Variants in MAF observed in about 807,000 individuals in gnomAD.
MAF encodes MAF bZIP transcription factor, also known as transcription factor Maf.
Under a neutral mutation model 22.0 loss-of-function variants are expected in MAF, and 10 were observed. The observed-to-expected ratio is 0.45, with a 90% CI of 0.28 to 0.77. The LOEUF (loss-of-function observed/expected upper bound fraction) is 0.77, where lower values mean the gene tolerates loss of function less well. MAF is among the 30% of genes least tolerant of loss of function. The probability of loss-of-function intolerance (pLI) is 0.12; values close to 1 mark genes in which losing one functional copy is unlikely to be tolerated. For missense variants in MAF, 544 were observed against 548.4 expected, an observed-to-expected ratio of 0.99 and a Z score of 0.08; for synonymous variants, 337 against 255.8, an observed-to-expected ratio of 1.32 and a Z score of -3.03.
the MAF span, among the ~76,000 whole-genome samples, chr16:79,389,158 A>T: frequency 6.6e-6 from 1 of 152,180 alleles, no homozygotes; most frequent in African/African-American, 2.4e-5. Flanking sequence ...TTTTATTTTC[A>T]AAGCAGCCAA....
the MAF span, among the ~76,000 whole-genome samples, chr16:79,393,942 G>C: frequency 3.9e-5 from 6 of 152,174 alleles, no homozygotes; most frequent in Non-Finnish European, 7.3e-5. Context: ...CCATGTGCCA[G>C]GTACAGTGCA....
At chr16:79,555,373 T>A in the MAF span, among the ~76,000 whole-genome samples, 1 of 152,214 alleles carries the variant, frequency 6.6e-6, no homozygotes, top group East Asian at 1.9e-4. Context: ...TGTCTTTTGA[T>A]ACCTGATCCC....
the MAF span, among the ~76,000 whole-genome samples, chr16:79,489,328 T>G: frequency 6.6e-6 from 1 of 152,190 alleles, no homozygotes; most frequent in Non-Finnish European, 1.5e-5. Context: ...CATTCATCCA[T>G]CCACCCATTC....
chr16:79,597,694 A>G, intron 1 of MAF: 1 of 1,020,576 alleles, frequency 9.8e-7, no homozygotes, highest in Non-Finnish European at 1.2e-6. Flanking sequence ...TGAGGCAATA[A>G]AACAAAAGTA....
At chr16:79,343,522 CT>C in the MAF span, among the ~76,000 whole-genome samples, 2 of 152,114 alleles carry the variant, frequency 1.3e-5, no homozygotes, top group African/African-American at 4.8e-5. Flanking sequence ...TAAATGGAAA[CT>C]TTTTTCATTT....
At chr16:79,598,190 G>C (rs1913679933) in intron 1 of MAF, 1 of 1,049,934 alleles carries the variant, frequency 9.5e-7, no homozygotes. Flanking sequence ...CATCTCGGAA[G>C]AGATGGGTTG....
chr16:79,341,228 G>C, the MAF span, among the ~76,000 whole-genome samples: 2 of 152,216 alleles, frequency 1.3e-5, no homozygotes, highest in Non-Finnish European at 2.9e-5. Context: ...AGACAATGTA[G>C]TGTGGGTAGG....
the MAF span, among the ~76,000 whole-genome samples, chr16:79,385,027 T>C: frequency 6.6e-6 from 1 of 152,288 alleles, no homozygotes; most frequent in Admixed American, 6.5e-5. Context: ...TCAGGAAAGG[T>C]CTTCTGAGAA....
the MAF span, among the ~76,000 whole-genome samples, chr16:79,449,005 G>A: frequency 2.0e-5 from 3 of 152,106 alleles, no homozygotes; most frequent in Non-Finnish European, 4.4e-5. Context: ...ATAGAACACT[G>A]GGAACCCCGA....
the MAF span, among the ~76,000 whole-genome samples, chr16:79,265,128 T>G: frequency 0.017 from 2,580 of 152,294 alleles, 70 homozygotes; most frequent in African/African-American, 0.06. Flanking sequence ...TAGGCACACA[T>G]GGATATTGCA....
At chr16:79,235,619 G>C in the MAF span, among the ~76,000 whole-genome samples, 4 of 152,050 alleles carry the variant, frequency 2.6e-5, no homozygotes, top group East Asian at 7.7e-4. Flanking sequence ...TTTTCATCCA[G>C]GTGCTTCTCA....
At chr16:79,221,412 T>C in the MAF span, among the ~76,000 whole-genome samples, 1 of 152,150 alleles carries the variant, frequency 6.6e-6, no homozygotes, top group East Asian at 1.9e-4. Context: ...ACTCTATGTG[T>C]TCCCAAAGCA....
chr16:79,252,702 C>A, the MAF span, among the ~76,000 whole-genome samples: 1 of 152,100 alleles, frequency 6.6e-6, no homozygotes, highest in Non-Finnish European at 1.5e-5. Context: ...GTTGGCCAGG[C>A]TGGCCTTGAA....
chr16:79,588,930 T>C (rs1157075905), downstream of MAF, among the ~76,000 whole-genome samples: 1 of 152,186 alleles, frequency 6.6e-6, no homozygotes, highest in Non-Finnish European at 1.5e-5. Flanking sequence ...GATAAAATCT[T>C]AGAAAGATTA....
the MAF span, among the ~76,000 whole-genome samples, chr16:79,508,601 C>T: frequency 6.6e-6 from 1 of 152,212 alleles, no homozygotes; most frequent in African/African-American, 2.4e-5. Context: ...CGTTTCCAGC[C>T]AGGGCTCAAC....
At chr16:79,476,852 G>A in the MAF span, among the ~76,000 whole-genome samples, 3 of 152,254 alleles carry the variant, frequency 2.0e-5, no homozygotes, top group African/African-American at 7.2e-5. Flanking sequence ...CTCCATCACT[G>A]ACATTTTTTA....
the MAF span, among the ~76,000 whole-genome samples, chr16:79,240,230 G>T: frequency 6.6e-6 from 1 of 151,490 alleles, no homozygotes; most frequent in African/African-American, 2.4e-5. Context: ...GGATCCAGCA[G>T]TCTTATGTTT....
the MAF span, among the ~76,000 whole-genome samples, chr16:79,503,125 G>T: frequency 6.6e-6 from 1 of 151,944 alleles, no homozygotes; most frequent in South Asian, 2.1e-4. Context: ...TTACGGGCTG[G>T]GCACAAGTTC....
chr16:79,467,939 T>G, the MAF span, among the ~76,000 whole-genome samples: 2,091 of 138,380 alleles, frequency 0.015, 55 homozygotes, highest in African/African-American at 0.052. Flanking sequence ...GTGGTGGTCG[T>G]GGGGGGGTGG....
Sources: gnomAD v4.1 joint callset for allele counts (sites outside exome capture counted in the v4.1 genomes callset) on GRCh38, gnomAD v4.1.1 for gene constraint, MANE v1.5 for transcripts, NCBI Gene and HGNC (gene_info 2026-07-23, HGNC 2026-07-21) for gene names.